USH2A: variants seen among roughly 807,000 people sequenced by gnomAD.
The protein encoded by USH2A is Usher syndrome 2A (autosomal recessive, mild).
In USH2A, 443 loss-of-function variants were observed where a neutral mutation model predicts 538.9. The observed-to-expected ratio is 0.82, with a 90% CI of 0.76 to 0.89. The LOEUF is 0.89. USH2A is among the 40% of genes least tolerant of loss of function. The probability of loss-of-function intolerance (pLI) is 0.00; values close to 1 mark genes in which losing one functional copy is unlikely to be tolerated. For synonymous variants in USH2A, 2,413 were observed against 2,273.5 expected (o/e 1.06, Z -1.75); for missense variants, 6,633 against 6,324.8 (o/e 1.05, Z -1.65).
intron 13 of USH2A, among the ~76,000 whole-genome samples, chr1:216,234,219 T>A (rs568248811): frequency 1.3e-5 from 2 of 152,238 alleles, no homozygotes; most frequent in Non-Finnish European, 2.9e-5. Flanking sequence ...AACAATTGGG[T>A]TTTTTTCCTT....
In USH2A at chr1:216,312,945, G is replaced by A. The variant is rs965568600; in HGVS notation, c.1644+8938C>T. ...CTCTGGCAAACAGGCCTTTCATGGT[G>A]TGGTGGTAAGATGAGAGGGGAGGGA... On this transcript the variant is annotated intron_variant, in intron 9 of 71. Transcript: ENST00000307340. 3.9e-5 allele frequency among the ~76,000 whole-genome samples: 6 copies of A among 152,298 alleles called. No individual in the cohort carries two copies. The South Asian group carries it at 6.2e-4, about 16-fold the overall frequency.
intron 61 of USH2A, among the ~76,000 whole-genome samples, chr1:215,703,862 G>GAA (rs55982293): frequency 8.0e-5 from 12 of 150,904 alleles, no homozygotes; most frequent in South Asian, 2.1e-4. Context: ...CTGGGGTATG[G>GAA]AAAAAAAAAC....
intron 35 of USH2A, among the ~76,000 whole-genome samples, chr1:215,979,664 G>A (rs1667704024): frequency 6.6e-6 from 1 of 152,030 alleles, no homozygotes. Context: ...GTAGTCTGTG[G>A]CAGAAGAAAT....
intron 21 of USH2A, among the ~76,000 whole-genome samples, chr1:216,136,806 G>A (rs570161058): frequency 2.0e-5 from 3 of 152,252 alleles, no homozygotes; most frequent in South Asian, 2.1e-4. Context: ...GGGTGACACT[G>A]CAAAAGGAAC....
intron 4 of USH2A, among the ~76,000 whole-genome samples, chr1:216,340,229 C>A (rs1327830675): frequency 2.6e-5 from 4 of 152,018 alleles, no homozygotes. Flanking sequence ...CACAAATAAA[C>A]TAGAAAATCT....
At chr1:215,899,167 A>T (rs1052459332) in intron 40 of USH2A, among the ~76,000 whole-genome samples, 2 of 152,210 alleles carry the variant, frequency 1.3e-5, no homozygotes, top group African/African-American at 4.8e-5. Context: ...TTAATAAACA[A>T]TTGATATTGT....
chr1:216,029,465 ATTATG>A (rs1669040274), intron 32 of USH2A, among the ~76,000 whole-genome samples: 1 of 152,072 alleles, frequency 6.6e-6, no homozygotes, highest in Non-Finnish European at 1.5e-5. Context: ...TACATTTTTA[ATTATG>A]TTATGTTACA....
chr1:215,860,431 A>T (rs1313084633), intron 44 of USH2A, among the ~76,000 whole-genome samples: 1 of 152,210 alleles, frequency 6.6e-6, no homozygotes, highest in Non-Finnish European at 1.5e-5. Flanking sequence ...AACAAAAGAA[A>T]AAAAGTATTT....
intron 32 of USH2A, among the ~76,000 whole-genome samples, chr1:216,014,903 T>A (rs922266101): frequency 6.6e-6 from 1 of 152,228 alleles, no homozygotes; most frequent in South Asian, 2.1e-4. Flanking sequence ...AACCAGTAAG[T>A]AGGTGATGAT....
chr1:215,977,519 T>TTC (rs1438163055), intron 35 of USH2A, among the ~76,000 whole-genome samples: 40 of 127,108 alleles, frequency 3.1e-4, no homozygotes, highest in African/African-American at 1.0e-3. Context: ...TTAATTAATT[T>TTC]TTTTGGAGAT....
intron 3 of USH2A, among the ~76,000 whole-genome samples, chr1:216,367,476 ATG>A (rs2038621538): frequency 1.3e-5 from 2 of 152,178 alleles, no homozygotes; most frequent in African/African-American, 4.8e-5. Flanking sequence ...GATAGAAAGC[ATG>A]TTTTTGATTT....
At position 215,819,411 on chromosome 1, in the gene USH2A, A is replaced by AT. The variant is rs905780146; in HGVS notation, c.9372-2217_9372-2216insA. On this transcript the variant is annotated intron_variant, in intron 47 of 71. Coordinates refer to ENST00000307340, the MANE Select transcript of USH2A (RefSeq NM_206933.4). ...TCAACATTTTCATAGACTGCTAAAA[A>AT]AAGAAAACTATTATTTCAGTTTTGT... Among the ~76,000 whole-genome samples, 4 of 151,388 alleles carry AT rather than the reference A, an allele frequency of 2.6e-5. No individual in the cohort carries two copies. The Admixed American group carries it at 2.6e-4, about 10-fold the overall frequency.
At chr1:216,055,920 T>G (rs1001486916) in intron 30 of USH2A, among the ~76,000 whole-genome samples, 2 of 152,228 alleles carry the variant, frequency 1.3e-5, no homozygotes, top group Admixed American at 6.5e-5. Flanking sequence ...TTAAAACTTT[T>G]GGTAGAGAGC....
At chr1:216,108,741 T>G (rs1258840329) in intron 21 of USH2A, among the ~76,000 whole-genome samples, 1 of 152,100 alleles carries the variant, frequency 6.6e-6, no homozygotes, top group African/African-American at 2.4e-5. Flanking sequence ...CTATTATACT[T>G]ATCCAATAAA....
At chr1:216,046,269 T>C (rs1240781810) in intron 32 of USH2A, among the ~76,000 whole-genome samples, 162 bp downstream of exon 32, 1 of 152,168 alleles carries the variant, frequency 6.6e-6, no homozygotes, top group Non-Finnish European at 1.5e-5. Flanking sequence ...TTAGAATTTA[T>C]ATTATTTTTA....
intron 37 of USH2A, among the ~76,000 whole-genome samples, chr1:215,954,421 A>G (rs1667009529): frequency 6.6e-6 from 1 of 151,944 alleles, no homozygotes; most frequent in Non-Finnish European, 1.5e-5. Flanking sequence ...GTAGGGACAT[A>G]GATGAAGCTG....
At chr1:216,361,436 C>T (rs753337237) in intron 4 of USH2A, among the ~76,000 whole-genome samples, 3 of 152,108 alleles carry the variant, frequency 2.0e-5, no homozygotes, top group Non-Finnish European at 4.4e-5. Context: ...ATCTGCTTAT[C>T]GACAAATACC....
chr1:215,884,287 T>C (rs1664992936), intron 41 of USH2A, among the ~76,000 whole-genome samples: 1 of 152,148 alleles, frequency 6.6e-6, no homozygotes, highest in Non-Finnish European at 1.5e-5. Flanking sequence ...ACAAAAAACA[T>C]CGGCATTCTG....
At chr1:215,970,602 A>G in intron 36 of USH2A, 23 bp downstream of exon 36, 2 of 1,613,250 alleles carry the variant, frequency 1.2e-6, no homozygotes, top group Non-Finnish European at 1.7e-6. Flanking sequence ...ACACATTCCT[A>G]GAATGTAAAT....
Sources: allele counts gnomAD v4.1 joint callset (sites outside exome capture counted in the v4.1 genomes callset), GRCh38; gene constraint gnomAD v4.1.1; transcripts MANE v1.5; gene names NCBI Gene and HGNC (gene_info 2026-07-23, HGNC 2026-07-21).